SLCO4C1: variants seen among roughly 807,000 people sequenced by gnomAD.
The protein encoded by SLCO4C1 is solute carrier organic anion transporter family member 4C1.
Under a neutral mutation model 72.1 loss-of-function variants are expected in SLCO4C1, and 58 were observed. That is an observed-to-expected ratio of 0.80 (90% CI 0.65 to 1.00). SLCO4C1 has a LOEUF of 1.00. Ranked by LOEUF, SLCO4C1 falls within the 50% of genes least tolerant of loss-of-function variation. SLCO4C1 has a pLI of 0.00. For missense variants in SLCO4C1, 898 were observed against 857.9 expected (o/e 1.05, Z -0.58); for synonymous variants, 297 against 312.5 (o/e 0.95, Z 0.52).
intron 2 of SLCO4C1, among the ~76,000 whole-genome samples, chr5:102,275,538 C>A (rs1267984428): frequency 6.6e-6 from 1 of 152,148 alleles, no homozygotes; most frequent in Non-Finnish European, 1.5e-5. Flanking sequence ...GAATGGTCAT[C>A]ACCAGGACAT....
chr5:102,242,001 G>A (rs1748550094), intron 10 of SLCO4C1, among the ~76,000 whole-genome samples: 1 of 152,186 alleles, frequency 6.6e-6, no homozygotes, highest in Non-Finnish European at 1.5e-5. Context: ...AACCCAGGCA[G>A]TGGCAGTGTA....
intron 2 of SLCO4C1, among the ~76,000 whole-genome samples, chr5:102,276,854 T>G (rs1007833604): frequency 6.6e-6 from 1 of 152,176 alleles, no homozygotes; most frequent in Non-Finnish European, 1.5e-5. Context: ...ATAATGACTG[T>G]GTGCCTTGAT....
At chr5:102,279,213 T>A (rs566136685) in intron 2 of SLCO4C1, among the ~76,000 whole-genome samples, 1 of 152,080 alleles carries the variant, frequency 6.6e-6, no homozygotes, top group South Asian at 2.1e-4. Flanking sequence ...AACAGTTAGC[T>A]TTATATACAT....
intron 2 of SLCO4C1, among the ~76,000 whole-genome samples, chr5:102,286,702 T>C (rs771265219): frequency 6.6e-6 from 1 of 152,138 alleles, no homozygotes; most frequent in Non-Finnish European, 1.5e-5. Context: ...ATCATCTCCA[T>C]TCAAAGTTAA....
At chr5:102,294,856 T>A (rs946452034) in intron 1 of SLCO4C1, among the ~76,000 whole-genome samples, 2 of 152,246 alleles carry the variant, frequency 1.3e-5, no homozygotes, top group African/African-American at 2.4e-5. Flanking sequence ...TAGTTTTCTA[T>A]TAACTTAAAA....
At chr5:102,262,628 C>A (rs1057138466) in intron 4 of SLCO4C1, among the ~76,000 whole-genome samples, 2 of 152,018 alleles carry the variant, frequency 1.3e-5, no homozygotes, top group African/African-American at 4.8e-5. Context: ...ACAAGCCACT[C>A]CTGGCCTCAA....
chr5:102,293,434 TA>T (rs1401046320), intron 1 of SLCO4C1, among the ~76,000 whole-genome samples: 2 of 151,966 alleles, frequency 1.3e-5, no homozygotes, highest in Non-Finnish European at 2.9e-5. Flanking sequence ...GAACACTACT[TA>T]AAAAAACAAA....
chr5:102,292,034 A>G (rs1749566647), intron 1 of SLCO4C1, among the ~76,000 whole-genome samples: 1 of 152,100 alleles, frequency 6.6e-6, no homozygotes, highest in East Asian at 1.9e-4. Context: ...CATGTTGGCC[A>G]GGCTGGTCTT....
At chr5:102,251,059 C>T (rs913361640) in intron 8 of SLCO4C1, among the ~76,000 whole-genome samples, 1 of 151,978 alleles carries the variant, frequency 6.6e-6, no homozygotes, top group Admixed American at 6.6e-5. Flanking sequence ...AAACGTACTT[C>T]AGAAAAAGCT....
rs577808303 is a variant in SLCO4C1 at position 102,268,061 on chromosome 5, T to C, written c.802+2563A>G. 4.6e-5 allele frequency among the ~76,000 whole-genome samples: 7 copies of C among 152,284 alleles called. No individual in the cohort carries two copies. The South Asian group carries it at 1.0e-3, about 23-fold the overall frequency. On this transcript the variant is annotated intron_variant, in intron 3 of 12. Transcript: ENST00000310954. ...GTGCTGAAAAGAAGAACATGTATCC[T>C]GTAGCTGCTGGATAAAATGTTCCGT...
At chr5:102,256,636 A>C (rs1420909021) in intron 8 of SLCO4C1, among the ~76,000 whole-genome samples, 1 of 152,256 alleles carries the variant, frequency 6.6e-6, no homozygotes. Flanking sequence ...ATTTATTTAC[A>C]ATAAACATAA....
chr5:102,253,848 G>A, intron 8 of SLCO4C1, among the ~76,000 whole-genome samples: 1 of 151,502 alleles, frequency 6.6e-6, no homozygotes, highest in East Asian at 1.9e-4. Flanking sequence ...ACTATGCTTG[G>A]TACCTGGGTA....
chr5:102,242,613 C>T (rs954460048), intron 10 of SLCO4C1, among the ~76,000 whole-genome samples: 6 of 152,122 alleles, frequency 3.9e-5, no homozygotes, highest in African/African-American at 1.2e-4. Flanking sequence ...AGGGTGCTTG[C>T]TGCCTTGAAG....
intron 2 of SLCO4C1, among the ~76,000 whole-genome samples, chr5:102,289,369 T>C (rs1362526333): frequency 1.3e-5 from 2 of 152,168 alleles, no homozygotes; most frequent in East Asian, 1.9e-4. Flanking sequence ...GCTGAGAAGA[T>C]CGTGGAAGAC....
intron 8 of SLCO4C1, among the ~76,000 whole-genome samples, chr5:102,252,373 A>C (rs1441725239): frequency 6.6e-6 from 1 of 152,124 alleles, no homozygotes; most frequent in Non-Finnish European, 1.5e-5. Flanking sequence ...GGAAAGAGTG[A>C]TCAAGATAGT....
Position 102,268,554 on chromosome 5 carries a change from G to A in SLCO4C1, c.802+2070C>T, listed in dbSNP as rs4518360. The stretch of plus-strand genomic sequence containing the variant: ...TAGATATACTTTCTTAATCCATTCA[G>A]CCTATCTATATTTTTAATTAGGGAA... On this transcript the variant is annotated intron_variant, in intron 3 of 12. Coordinates refer to ENST00000310954, the MANE Select transcript of SLCO4C1 (RefSeq NM_180991.5). Among the ~76,000 whole-genome samples the A allele has an allele frequency of 1.6e-4, 25 of 152,122 alleles. No homozygotes were observed. The South Asian group carries it at 4.4e-3, about 27-fold the overall frequency.
At chr5:102,264,933 A>G (rs1181681001) in intron 3 of SLCO4C1, among the ~76,000 whole-genome samples, 1 of 151,778 alleles carries the variant, frequency 6.6e-6, no homozygotes, top group Non-Finnish European at 1.5e-5. Flanking sequence ...CTCTAGGCTC[A>G]CCCATGTTAC....
intron 10 of SLCO4C1, 54 bp from the exon 11 acceptor site, chr5:102,240,836 C>A: frequency 7.8e-7 from 1 of 1,276,124 alleles, no homozygotes; most frequent in South Asian, 1.4e-5. Context: ...TATATTCACT[C>A]TTTGAGCAAG....
intron 1 of SLCO4C1, among the ~76,000 whole-genome samples, chr5:102,294,817 A>G (rs965691319): frequency 6.6e-6 from 1 of 152,258 alleles, no homozygotes; most frequent in African/African-American, 2.4e-5. Context: ...AGGAAGAATA[A>G]GAACAAAAAG....
Sources: allele counts gnomAD v4.1 joint callset (sites outside exome capture counted in the v4.1 genomes callset), GRCh38; gene constraint gnomAD v4.1.1; transcripts MANE v1.5; gene names NCBI Gene and HGNC (gene_info 2026-07-23, HGNC 2026-07-21).